The following ARHGEF3 variants were observed in gnomAD, a reference collection of about 807,000 sequenced individuals.
The protein encoded by ARHGEF3 is 59.8 kDA protein.
In ARHGEF3, 28 loss-of-function variants were observed where a neutral mutation model predicts 63.2. That is an observed-to-expected ratio of 0.44 (90% confidence interval 0.33 to 0.61). The LOEUF (loss-of-function observed/expected upper bound fraction) is 0.61. ARHGEF3 is among the 20% of genes least tolerant of loss of function. The pLI, the probability that ARHGEF3 is intolerant of heterozygous loss-of-function variation, is 0.03. For missense variants in ARHGEF3, 533 were observed against 659.3 expected (o/e 0.81, Z 2.10); for synonymous variants, 266 against 254.2 (o/e 1.05, Z -0.44).
intron 4 of ARHGEF3, among the ~76,000 whole-genome samples, chr3:56,873,375 T>A (rs148590703): frequency 7.0e-4 from 107 of 152,212 alleles, no homozygotes; most frequent in African/African-American, 2.5e-3. Context: ...TTCTCCCTCC[T>A]CCCTTCTCCC....
chr3:56,968,327 TATATATA>T (rs1374186538), intron 2 of ARHGEF3, among the ~76,000 whole-genome samples: 2 of 54,588 alleles, frequency 3.7e-5, no homozygotes, highest in African/African-American at 5.6e-5. Flanking sequence ...ATATTTTATA[TATATATA>T]ATATATAATA....
intron 1 of ARHGEF3, among the ~76,000 whole-genome samples, chr3:56,778,438 C>T (rs1343309219): frequency 6.6e-6 from 1 of 152,214 alleles, no homozygotes; most frequent in African/African-American, 2.4e-5. Context: ...CTCATCTCTG[C>T]TTTCGGACAC....
chr3:57,071,227 A>ATGTCCCAG (rs1705883166), intron 1 of ARHGEF3, among the ~76,000 whole-genome samples: 2 of 152,218 alleles, frequency 1.3e-5, no homozygotes, highest in African/African-American at 4.8e-5. Context: ...GAGTCTTTTC[A>ATGTCCCAG]ACACATGGTT....
intron 2 of ARHGEF3, among the ~76,000 whole-genome samples, chr3:57,014,826 GC>G (rs1028425499): frequency 5.9e-5 from 9 of 151,720 alleles, no homozygotes; most frequent in Non-Finnish European, 1.3e-4. Flanking sequence ...GACTACAGGC[GC>G]CCGCCACTGC....
intron 3 of ARHGEF3, among the ~76,000 whole-genome samples, chr3:56,921,041 C>G (rs972097475): frequency 1.4e-4 from 17 of 117,844 alleles, no homozygotes; most frequent in Admixed American, 2.3e-4. Flanking sequence ...GGTGACAGAG[C>G]GAGACTCCAT....
At chr3:56,853,822 G>A (rs539212051) in intron 4 of ARHGEF3, among the ~76,000 whole-genome samples, 1 of 152,298 alleles carries the variant, frequency 6.6e-6, no homozygotes, top group African/African-American at 2.4e-5. Flanking sequence ...CGCCAAGTAA[G>A]AACATGGGCT....
At chr3:56,998,745 T>C (rs1013215343) in intron 2 of ARHGEF3, among the ~76,000 whole-genome samples, 6 of 152,218 alleles carry the variant, frequency 3.9e-5, no homozygotes, top group African/African-American at 1.4e-4. Flanking sequence ...TCCTTCCTCC[T>C]TTCCCCCTAC....
intron 4 of ARHGEF3, among the ~76,000 whole-genome samples, chr3:56,846,107 C>T (rs2039480236): frequency 1.3e-5 from 2 of 152,218 alleles, no homozygotes; most frequent in Admixed American, 1.3e-4. Flanking sequence ...GGTCATTAAT[C>T]TGTTTGTTAT....
In ARHGEF3 at chr3:56,824,676, T is replaced by G. The variant is rs186056625; in HGVS notation, c.193-50860A>C. ...TATTGGCAATTATTAAGTTCAGAGC[T>G]GATGACCAGCTTGGTCAGCTTTCCA... On this transcript the variant is annotated intron_variant, in intron 4 of 12. Transcript: ENST00000338458. Among the ~76,000 whole-genome samples the G allele has an allele frequency of 5.1e-4, 78 of 152,366 alleles. No homozygotes were observed. In the East Asian group the frequency reaches 0.015, roughly 29 times the overall value.
intron 4 of ARHGEF3, among the ~76,000 whole-genome samples, chr3:56,882,081 T>C (rs2040784695): frequency 6.6e-6 from 1 of 152,210 alleles, no homozygotes; most frequent in Admixed American, 6.5e-5. Flanking sequence ...ACACAGGCAA[T>C]AAACAACTTA....
intron 1 of ARHGEF3, among the ~76,000 whole-genome samples, chr3:56,799,848 T>C (rs1037273315): frequency 6.6e-6 from 1 of 152,228 alleles, no homozygotes. Flanking sequence ...CTTGATTTAG[T>C]GTTTAAATCA....
intron 2 of ARHGEF3, among the ~76,000 whole-genome samples, chr3:57,027,540 G>A (rs2107190028): frequency 6.6e-6 from 1 of 152,298 alleles, no homozygotes; most frequent in South Asian, 2.1e-4. Flanking sequence ...AAGGCTGAGA[G>A]CTTTCTCTGG....
At chr3:56,775,000 C>T (rs2036215500) in intron 1 of ARHGEF3, 2 of 1,527,706 alleles carry the variant, frequency 1.3e-6, no homozygotes, top group East Asian at 5.0e-5. Flanking sequence ...GAAGAGTTAC[C>T]CTTGTCCTCC....
chr3:57,059,692 G>A (rs554728856), intron 1 of ARHGEF3, among the ~76,000 whole-genome samples: 54 of 152,234 alleles, frequency 3.5e-4, no homozygotes, highest in African/African-American at 1.2e-3. Flanking sequence ...GGGTGACAAT[G>A]AGGCTTTAAA....
intron 6 of ARHGEF3, among the ~76,000 whole-genome samples, chr3:56,746,843 G>A (rs2034418536): frequency 6.6e-6 from 1 of 152,102 alleles, no homozygotes; most frequent in South Asian, 2.1e-4. Context: ...CTCAGTGACT[G>A]AAACCATAAA....
chr3:56,884,344 C>A (rs144491917), intron 3 of ARHGEF3, among the ~76,000 whole-genome samples: 154 of 152,140 alleles, frequency 1.0e-3, no homozygotes, highest in African/African-American at 3.7e-3. Context: ...TTTGAATAGG[C>A]CTAAAAGATG....
At chr3:56,765,042 C>A (rs545358399) in intron 2 of ARHGEF3, among the ~76,000 whole-genome samples, 1 of 152,176 alleles carries the variant, frequency 6.6e-6, no homozygotes, top group African/African-American at 2.4e-5. Flanking sequence ...CAGGCATGAG[C>A]CACCGCACCC....
chr3:56,915,244 C>T (rs1248680107), intron 3 of ARHGEF3, among the ~76,000 whole-genome samples: 1 of 151,984 alleles, frequency 6.6e-6, no homozygotes, highest in African/African-American at 2.4e-5. Context: ...AGGAGGATTG[C>T]TTGAGCTCAG....
chr3:56,856,991 T>C (rs1188058169), intron 4 of ARHGEF3, among the ~76,000 whole-genome samples: 2 of 152,018 alleles, frequency 1.3e-5, no homozygotes, highest in Non-Finnish European at 1.5e-5. Context: ...AGCATCCAAG[T>C]CTGCAGCCAT....
Sources: gnomAD v4.1 joint callset for allele counts (sites outside exome capture counted in the v4.1 genomes callset) on GRCh38, gnomAD v4.1.1 for gene constraint, MANE v1.5 for transcripts, NCBI Gene and HGNC (gene_info 2026-07-23, HGNC 2026-07-21) for gene names.